Variants in ZBTB40 observed in about 807,000 individuals in gnomAD.
ZBTB40 encodes zinc finger and BTB domain-containing protein 40.
ZBTB40 carries 60 observed loss-of-function variants against 117.5 expected under a neutral mutation model. The ratio of observed to expected loss-of-function variants is 0.51; its 90% CI spans 0.41 to 0.63. ZBTB40 has a LOEUF of 0.63. Among genes scored for constraint, ZBTB40 ranks in the 30% least tolerant of loss-of-function variants. The pLI is 0.00. For missense variants in ZBTB40, 1,287 were observed against 1,498.5 expected, an observed-to-expected ratio of 0.86 and a Z score of 2.33; for synonymous variants, 525 against 577.1, an observed-to-expected ratio of 0.91 and a Z score of 1.29.
In ZBTB40 at chr1:22,524,390, G is replaced by A; in HGVS notation, c.3471G>A (p.Glu1157=). Residue 1157 remains glutamate (E), a synonymous_variant, in exon 17 of 18, where the codon GAG becomes GAA. Coordinates refer to ENST00000375647, the MANE Select transcript of ZBTB40 (RefSeq NM_014870.4). ...QAQLDSHLES[E]HPKVMSTETQ... ...AGCTTGACAGTCACCTGGAATCTGAGCACCCAAAGGTGATGAGCACGGAAA... is the reference window on the plus strand; with the variant it reads ...AGCTTGACAGTCACCTGGAATCTGAACACCCAAAGGTGATGAGCACGGAAA... The A allele has an allele frequency of 6.2e-7, 1 of 1,614,206 alleles. No homozygotes were observed. The highest frequency in any genetic ancestry group is 8.5e-7 in the Non-Finnish European group (1 of 1,180,040).
chr1:22,443,421 A>G (rs1284819732), intron 1 of ZBTB40, among the ~76,000 whole-genome samples: 1 of 152,268 alleles, frequency 6.6e-6, no homozygotes, highest in Non-Finnish European at 1.5e-5. Context: ...AGGGCCTTAC[A>G]GGTGATAGGT....
In ZBTB40 at chr1:22,498,787, G is replaced by GAA. The variant is rs11371974; in HGVS notation, c.832-2694_832-2693dup. Among the ~76,000 whole-genome samples the GAA allele has an allele frequency of 1.3e-3, 183 of 146,218 alleles. 1 individual carries two copies. Among genetic ancestry groups the GAA allele is most frequent in the East Asian group, 3.8e-3 (19 of 5,052 alleles). On this transcript the variant is annotated intron_variant, in intron 3 of 17. Transcript: ENST00000375647. ...TGGGATATTCGGAGAGTTTCAGGTG[G>GAA]AAAAAAAAAAAAGCCTGGCCTAGGC...
At chr1:22,491,297 T>C in intron 2 of ZBTB40, 103 bp from the exon 3 acceptor site, 1 of 1,156,482 alleles carries the variant, frequency 8.6e-7, no homozygotes, top group Non-Finnish European at 1.3e-6. Flanking sequence ...CAGAGATCAG[T>C]TAAGTGCAGT....
At chr1:22,499,447 T>C (rs939350053) in intron 3 of ZBTB40, among the ~76,000 whole-genome samples, 2 of 152,214 alleles carry the variant, frequency 1.3e-5, no homozygotes, top group African/African-American at 4.8e-5. Flanking sequence ...GCTGCCTGCC[T>C]TGGGTTCCCT....
intron 1 of ZBTB40, among the ~76,000 whole-genome samples, chr1:22,466,640 C>CT (rs1641262584): frequency 6.6e-6 from 1 of 152,022 alleles, no homozygotes. Flanking sequence ...TTACTAATGA[C>CT]TGATGATGAA....
At chr1:22,431,393 T>C (rs1210913134) in intron 1 of ZBTB40, among the ~76,000 whole-genome samples, 2 of 137,576 alleles carry the variant, frequency 1.5e-5, no homozygotes, top group South Asian at 2.2e-4. Context: ...TGTATATATA[T>C]ATATATATAT....
At chr1:22,521,449 G>C (rs764335050) in intron 14 of ZBTB40, 47 bp from the exon 15 acceptor site, 1 of 1,613,642 alleles carries the variant, frequency 6.2e-7, no homozygotes, top group Non-Finnish European at 8.5e-7. Flanking sequence ...GAGCTCTCCA[G>C]CTTGCTGGAA....
intron 3 of ZBTB40, among the ~76,000 whole-genome samples, chr1:22,495,054 TCTTAA>T (rs1638736389): frequency 6.6e-6 from 1 of 152,206 alleles, no homozygotes; most frequent in East Asian, 1.9e-4. Flanking sequence ...GTTTAGTTAA[TCTTAA>T]CTTGAGAACA....
rs1639281888 is a variant in ZBTB40 at position 22,512,980 on chromosome 1, G to A, written c.2518G>A (p.Glu840Lys). 1 of 1,614,194 alleles carries A rather than the reference G, an allele frequency of 6.2e-7. No homozygotes were observed. The highest frequency in any genetic ancestry group is 8.5e-7 in the Non-Finnish European group (1 of 1,180,034). ...CGATGAGAAGCCTTTCTCCTGTGAA[G>A]AGTGTGGGGCGAAGTTTGCAGCCAA... ...HFDEKPFSCEECGAKFAANST... is the reference protein window; with the variant it reads ...HFDEKPFSCEKCGAKFAANST... The change falls in exon 12 of 18, where the codon GAG becomes AAG. Residue 840 changes from glutamate to lysine, a missense_variant. This residue lies in a region of ZBTB40 where 417 missense variants were observed against 564.1 expected (regional missense o/e 0.74). Transcript: ENST00000375647.
chr1:22,431,384 G>GTGTGTATGTATATA (rs1222294324), intron 1 of ZBTB40, among the ~76,000 whole-genome samples: 1 of 119,710 alleles, frequency 8.4e-6, no homozygotes, highest in African/African-American at 3.7e-5. Flanking sequence ...GTGTGTGTGT[G>GTGTGTATGTATATA]TATATATATA....
intron 1 of ZBTB40, among the ~76,000 whole-genome samples, chr1:22,470,141 C>T (rs1276869256): frequency 6.6e-6 from 1 of 152,026 alleles, no homozygotes; most frequent in Non-Finnish European, 1.5e-5. Context: ...TGGTTCTGGC[C>T]CTGCTGTTGC....
intron 3 of ZBTB40, among the ~76,000 whole-genome samples, chr1:22,497,579 A>G (rs537654765): frequency 6.6e-6 from 1 of 152,368 alleles, no homozygotes; most frequent in Admixed American, 6.5e-5. Context: ...TCAATTAAAC[A>G]TTTATTGAGC....
upstream of ZBTB40, among the ~76,000 whole-genome samples, chr1:22,450,979 A>G (rs1640856728): frequency 6.6e-6 from 1 of 152,236 alleles, no homozygotes; most frequent in Admixed American, 6.5e-5. Flanking sequence ...GAGGTGACTC[A>G]GTTTGTTACT....
chr1:22,446,675 G>A (rs149308984), intron 1 of ZBTB40, among the ~76,000 whole-genome samples: 174 of 152,136 alleles, frequency 1.1e-3, no homozygotes, highest in African/African-American at 3.9e-3. Flanking sequence ...AATTCTGTAC[G>A]CTGTGGAATT....
intron 1 of ZBTB40, among the ~76,000 whole-genome samples, chr1:22,444,195 T>C (rs1640763388): frequency 6.6e-6 from 1 of 152,102 alleles, no homozygotes; most frequent in Non-Finnish European, 1.5e-5. Flanking sequence ...AGTGGATCAC[T>C]TGAGGTCAGG....
At chr1:22,446,774 A>C (rs1640794146) in intron 1 of ZBTB40, among the ~76,000 whole-genome samples, 1 of 147,414 alleles carries the variant, frequency 6.8e-6, no homozygotes, top group Non-Finnish European at 1.5e-5. Flanking sequence ...CTTGCAAGAA[A>C]GGTGAAAAGA....
chr1:22,493,421 C>T (rs939637908), intron 3 of ZBTB40, among the ~76,000 whole-genome samples: 10 of 152,160 alleles, frequency 6.6e-5, no homozygotes, highest in East Asian at 1.9e-4. Flanking sequence ...CTTTGTACTT[C>T]GGCCTCTACT....
intron 1 of ZBTB40, among the ~76,000 whole-genome samples, chr1:22,463,430 G>A (rs551978793): frequency 3.0e-4 from 46 of 152,304 alleles, no homozygotes; most frequent in African/African-American, 1.0e-3. Context: ...GTTATCGTCC[G>A]TGTTTTCAGG....
rs1176734805 is a variant in ZBTB40, at chr1:22,530,610, A to T, written c.*4214A>T. Reference sequence around the variant, plus strand: ...GGTCAGGACAGTCAGCCACTACGTGATGCTGTATAAATTGGATTACAAACC... The same window carrying T: ...GGTCAGGACAGTCAGCCACTACGTGTTGCTGTATAAATTGGATTACAAACC... On this transcript the variant is annotated 3_prime_UTR_variant, in exon 18 of 18. Coordinates refer to ENST00000375647, the MANE Select transcript of ZBTB40 (RefSeq NM_014870.4). The T allele has an allele frequency of 5.3e-5, 8 of 152,356 alleles. No individual in the cohort carries two copies. The highest frequency in any genetic ancestry group is 4.6e-4 in the Admixed American group (7 of 15,286). The allele number at this position is 152,356 out of a possible 1,614,324, so 9.4% of individuals were successfully genotyped here.
Sources: allele counts gnomAD v4.1 joint callset (sites outside exome capture counted in the v4.1 genomes callset), GRCh38; gene constraint gnomAD v4.1.1; regional missense constraint gnomAD v4.1.1; transcripts MANE v1.5; gene names NCBI Gene and HGNC (gene_info 2026-07-23, HGNC 2026-07-21).